Variants in SASH1 observed in about 807,000 individuals in gnomAD.
The protein encoded by SASH1 is SAM and SH3 domain-containing protein 1.
A neutral mutation model predicts 125.2 loss-of-function variants in SASH1; 44 were observed. The observed-to-expected ratio is 0.35, with a 90% CI of 0.28 to 0.45. SASH1 has a LOEUF of 0.45. Ranked by LOEUF, SASH1 falls within the 20% of genes least tolerant of loss-of-function variation. The pLI is 1.00. For synonymous variants in SASH1, 639 were observed against 649.1 expected (o/e 0.98, Z 0.24); for missense variants, 1,426 against 1,614.5 (o/e 0.88, Z 2.00).
intron 4 of SASH1, among the ~76,000 whole-genome samples, chr6:148,441,283 T>G (rs1776536436): frequency 6.6e-6 from 1 of 152,254 alleles, no homozygotes; most frequent in South Asian, 2.1e-4. Context: ...AGCACAGCTT[T>G]GCCTAATCCA....
intron 2 of SASH1, among the ~76,000 whole-genome samples, chr6:148,428,400 A>G (rs1775914761): frequency 6.6e-6 from 1 of 152,192 alleles, no homozygotes; most frequent in Admixed American, 6.5e-5. Flanking sequence ...AGGCCAAGGC[A>G]GGCGGATCTT....
chr6:148,269,620 A>T (rs572112296), upstream of SASH1, among the ~76,000 whole-genome samples: 8 of 152,154 alleles, frequency 5.3e-5, no homozygotes, highest in South Asian at 1.7e-3. Context: ...GTCAGATTGC[A>T]TGTTTGATTG....
the SASH1 span, among the ~76,000 whole-genome samples, chr6:148,264,759 G>A: frequency 6.6e-6 from 1 of 152,168 alleles, no homozygotes; most frequent in East Asian, 1.9e-4. Context: ...TATCCTTTGA[G>A]CTTAAATGTC....
intron 1 of SASH1, among the ~76,000 whole-genome samples, chr6:148,387,668 CTTTCTTTCTTTCTT>C (rs1562371685): frequency 2.7e-5 from 2 of 72,924 alleles, no homozygotes; most frequent in East Asian, 3.0e-4. Context: ...TTCTTTCTTT[CTTTCTTTCTTTCTT>C]TCTTTCTTTC....
rs1781378021 is a variant in SASH1, at chr6:148,342,887, C to T, written c.-181C>T. ...CGCGCAGCCCGTGGCCACCTAGACC[C>T]GAGGTGCGGGCGCCTGCGAAGGGCC... On this transcript the variant is annotated 5_prime_UTR_variant, in exon 1 of 20. Transcript: ENST00000367467. The T allele has an allele frequency of 6.2e-6, 2 of 324,744 alleles. No individual in the cohort carries two copies. Among genetic ancestry groups the T allele is most frequent in the South Asian group, 1.2e-4 (1 of 8,192 alleles). The allele number at this position is 324,744 out of a possible 1,614,324, so 20.1% of individuals were successfully genotyped here.
chr6:148,507,861 A>G (rs921042644), intron 8 of SASH1, among the ~76,000 whole-genome samples: 14 of 152,234 alleles, frequency 9.2e-5, no homozygotes, highest in Non-Finnish European at 1.9e-4. Flanking sequence ...GTGCTGTGAG[A>G]ATAAATGACT....
chr6:148,466,357 G>A (rs1777837608), intron 4 of SASH1, among the ~76,000 whole-genome samples: 2 of 152,196 alleles, frequency 1.3e-5, no homozygotes, highest in African/African-American at 4.8e-5. Context: ...GAGAATGGTG[G>A]TGCTTGCAGG....
upstream of SASH1, among the ~76,000 whole-genome samples, chr6:148,271,665 A>C (rs1006410239): frequency 6.6e-6 from 1 of 152,202 alleles, no homozygotes; most frequent in Admixed American, 6.5e-5. Flanking sequence ...GGTGTTTCAG[A>C]GTTTGAAGCC....
At chr6:148,448,771 G>A (rs1478459327) in intron 4 of SASH1, among the ~76,000 whole-genome samples, 1 of 152,154 alleles carries the variant, frequency 6.6e-6, no homozygotes, top group Non-Finnish European at 1.5e-5. Flanking sequence ...GCTGAAAAAT[G>A]CCTGCTCACT....
At chr6:148,530,027 G>A (rs994195610) in intron 12 of SASH1, among the ~76,000 whole-genome samples, 12 of 151,994 alleles carry the variant, frequency 7.9e-5, no homozygotes, top group Non-Finnish European at 1.2e-4. Context: ...GGCTGGTCTC[G>A]AACTCCTGAC....
At chr6:148,233,173 C>T in the SASH1 span, among the ~76,000 whole-genome samples, 1 of 150,652 alleles carries the variant, frequency 6.6e-6, no homozygotes, top group Non-Finnish European at 1.5e-5. Context: ...GAGATCGCGC[C>T]ATTGCACTCC....
intron 1 of SASH1, among the ~76,000 whole-genome samples, chr6:148,285,433 A>G (rs930794107): frequency 1.3e-5 from 2 of 152,220 alleles, no homozygotes; most frequent in Non-Finnish European, 2.9e-5. Flanking sequence ...TACTTTACAG[A>G]GTAGCCTCTG....
At chr6:148,527,803 T>C (rs1164105617) in intron 12 of SASH1, among the ~76,000 whole-genome samples, 1 of 152,212 alleles carries the variant, frequency 6.6e-6, no homozygotes, top group African/African-American at 2.4e-5. Context: ...TGCTTGGTGC[T>C]GGGAATACAA....
At chr6:148,334,993 A>T (rs573102450) in intron 1 of SASH1, among the ~76,000 whole-genome samples, 1 of 148,174 alleles carries the variant, frequency 6.7e-6, no homozygotes, top group African/African-American at 2.5e-5. Context: ...AAAAAAAGAA[A>T]AGAAAAGAAA....
intron 2 of SASH1, among the ~76,000 whole-genome samples, chr6:148,429,013 T>C (rs149578406): frequency 1.9e-3 from 292 of 152,164 alleles, no homozygotes; most frequent in Admixed American, 6.5e-3. Flanking sequence ...AAGAGTTAGG[T>C]ATGGATGAAG....
In SASH1 at chr6:148,532,780, C is replaced by T; in HGVS notation, c.1565-17C>T. The stretch of plus-strand genomic sequence containing the variant: ...AAATCTGGATCTACCCGTGTTCTTC[C>T]TATGTTTCCTGTACAGGCGGTCAAA... On this transcript the variant is annotated splice_polypyrimidine_tract_variant and intron_variant, in intron 13 of 19. Coordinates refer to ENST00000367467, the MANE Select transcript of SASH1 (RefSeq NM_015278.5). The surrounding 1 kb of genome is among the most constrained non-coding windows in gnomAD (Gnocchi z 4.7). The T allele has an allele frequency of 1.2e-6, 2 of 1,613,662 alleles. No individual in the cohort carries two copies. The highest frequency in any genetic ancestry group is 1.7e-6 in the Non-Finnish European group (2 of 1,179,738).
intron 8 of SASH1, among the ~76,000 whole-genome samples, chr6:148,506,456 C>A (rs1448843709): frequency 1.3e-5 from 2 of 152,114 alleles, no homozygotes; most frequent in East Asian, 3.9e-4. Flanking sequence ...GCCTGGGCAA[C>A]AGAGCAAAAC....
chr6:148,276,909 AC>A (rs1358233997), intron 1 of SASH1, among the ~76,000 whole-genome samples: 1 of 151,920 alleles, frequency 6.6e-6, no homozygotes, highest in African/African-American at 2.4e-5. Context: ...ATGTAGCAAG[AC>A]CCCCATCTCT....
rs543918258 is a variant in SASH1 at position 148,518,656 on chromosome 6, AT to A, written c.863-889del. Among the ~76,000 whole-genome samples the A allele has an allele frequency of 1.3e-3, 205 of 152,246 alleles. 2 individuals carry two copies. The highest frequency in any genetic ancestry group is 4.6e-3 in the African/African-American group (192 of 41,540). ...CTGCAGAGCTCAAAGTTTCCCTATA[AT>A]TAAAGGGACACAGCCAGTTGGGATC... On this transcript the variant is annotated intron_variant, in intron 9 of 19. Coordinates refer to ENST00000367467, the MANE Select transcript of SASH1 (RefSeq NM_015278.5).
Sources: allele counts gnomAD v4.1 joint callset (sites outside exome capture counted in the v4.1 genomes callset), GRCh38; gene constraint gnomAD v4.1.1; non-coding constraint Gnocchi (gnomAD v3.1); transcripts MANE v1.5; gene names NCBI Gene and HGNC (gene_info 2026-07-23, HGNC 2026-07-21).